Variants in NEXMIF observed in about 807,000 individuals in gnomAD.
NEXMIF encodes the protein neurite extension and migration factor.
In NEXMIF, 8 loss-of-function variants were observed where a neutral mutation model predicts 62.1. The ratio of observed to expected loss-of-function variants is 0.13; its 90% CI spans 0.08 to 0.23. NEXMIF has a LOEUF of 0.23. Among genes scored for constraint, NEXMIF ranks in the 10% least tolerant of loss-of-function variants. The pLI is 1.00. For synonymous variants in NEXMIF, 404 were observed against 416.6 expected, an observed-to-expected ratio of 0.97 and a Z score of 0.37; for missense variants, 976 against 1,113.3, an observed-to-expected ratio of 0.88 and a Z score of 1.75.
Position 74,860,897 on chromosome X carries a change from C to G in NEXMIF, c.-48+63986G>C, listed in dbSNP as rs527666835. Reference sequence around the variant, plus strand: ...GTAGAAGAAAAGAAATAAGAAAGATCAGAGCAGAAACAAATGAAACTGAAA... The same window carrying G: ...GTAGAAGAAAAGAAATAAGAAAGATGAGAGCAGAAACAAATGAAACTGAAA... On this transcript the variant is annotated intron_variant, in intron 1 of 3. Transcript: ENST00000055682. Among the ~76,000 whole-genome samples the G allele has an allele frequency of 1.3e-3, 141 of 111,260 alleles. 1 individual carries two copies. The highest frequency in any genetic ancestry group is 9.4e-3 in the Middle Eastern group (2 of 213).
At chrX:74,853,890 T>C (rs1314866051) in intron 1 of NEXMIF, among the ~76,000 whole-genome samples, 1 of 111,645 alleles carries the variant, frequency 9.0e-6, no homozygotes, top group African/African-American at 3.3e-5. Context: ...CAGGAAGAAG[T>C]AGAAAACCTT....
At chrX:74,778,089 G>A (rs930539635) in intron 1 of NEXMIF, among the ~76,000 whole-genome samples, 1 of 111,759 alleles carries the variant, frequency 8.9e-6, no homozygotes, top group African/African-American at 3.3e-5. Context: ...AACTTATAAA[G>A]ACTGTGCATG....
At chrX:74,855,752 C>T (rs2080532794) in intron 1 of NEXMIF, among the ~76,000 whole-genome samples, 2 of 112,030 alleles carry the variant, frequency 1.8e-5, no homozygotes, top group Admixed American at 1.9e-4. Context: ...CACACAGAGT[C>T]CCTTCACAAA....
chrX:74,921,418 G>A (rs2080826734), intron 1 of NEXMIF, among the ~76,000 whole-genome samples: 1 of 112,164 alleles, frequency 8.9e-6, no homozygotes, highest in Admixed American at 9.5e-5. Context: ...GAGAAGACAC[G>A]AATGTTCACC....
intron 1 of NEXMIF, among the ~76,000 whole-genome samples, chrX:74,895,842 A>C (rs956525121): frequency 1.7e-4 from 19 of 110,068 alleles, no homozygotes; most frequent in Non-Finnish European, 3.4e-4. Flanking sequence ...TGTAAAAAAA[A>C]AAAAAAACAT....
intron 1 of NEXMIF, among the ~76,000 whole-genome samples, chrX:74,795,294 A>G (rs1476128222): frequency 8.9e-6 from 1 of 112,338 alleles, no homozygotes; most frequent in Non-Finnish European, 1.9e-5. Context: ...ATGTCTTTCA[A>G]CAAGAGAATG....
chrX:74,890,152 ACT>A (rs1296590282), intron 1 of NEXMIF, among the ~76,000 whole-genome samples: 1 of 110,015 alleles, frequency 9.1e-6, no homozygotes, highest in Non-Finnish European at 1.9e-5. Flanking sequence ...ATTTCCAGTG[ACT>A]CTGATCCTGT....
intron 1 of NEXMIF, among the ~76,000 whole-genome samples, chrX:74,793,081 T>C (rs2080291421): frequency 9.1e-6 from 1 of 109,921 alleles, no homozygotes; most frequent in African/African-American, 3.3e-5. Context: ...TGATGGTCTT[T>C]ACATTTTGGC....
rs150741514 is a variant in NEXMIF at position 74,741,692 on chromosome X, A to G, written c.2865T>C (p.Asp955=). 8.3e-6 allele frequency: 10 copies of G among 1,210,280 alleles called. No homozygotes were observed. The Admixed American group carries it at 2.2e-4, about 26-fold the overall frequency. ...AAGAGTCATCAGATGGGAGTTGGGT[A>G]TCTTGCATGGAGTCATACAGGACCT... ...CNKVLYDSMQ[D]TQLPSDDSYQ... Residue 955 remains aspartate (D), a synonymous_variant, in exon 3 of 4, where the codon GAT becomes GAC. Coordinates refer to ENST00000055682, the MANE Select transcript of NEXMIF (RefSeq NM_001008537.3).
chrX:74,903,607 C>T (rs2080756546), intron 1 of NEXMIF, among the ~76,000 whole-genome samples: 1 of 111,787 alleles, frequency 8.9e-6, no homozygotes, highest in Admixed American at 9.5e-5. Context: ...GTACAGTGAG[C>T]TTCAGCAGGC....
chrX:74,775,320 C>T (rs2080225748), intron 1 of NEXMIF, among the ~76,000 whole-genome samples: 1 of 111,864 alleles, frequency 8.9e-6, no homozygotes, highest in East Asian at 2.8e-4. Flanking sequence ...TCCACCTATT[C>T]CATAATATGT....
chrX:74,877,805 C>T (rs1424791568), intron 1 of NEXMIF, among the ~76,000 whole-genome samples: 3 of 112,094 alleles, frequency 2.7e-5, no homozygotes, highest in Non-Finnish European at 5.6e-5. Flanking sequence ...CTTCTGCATT[C>T]TTCACGTAGT....
At chrX:74,786,370 G>GA (rs986469804) in intron 1 of NEXMIF, among the ~76,000 whole-genome samples, 4 of 111,247 alleles carry the variant, frequency 3.6e-5, no homozygotes, top group Non-Finnish European at 5.7e-5. Flanking sequence ...TCAAGAGCTG[G>GA]AAAAAACCCT....
Position 74,744,383 on chromosome X carries a change from C to G in NEXMIF, c.174G>C (p.Leu58=). The G allele has an allele frequency of 8.3e-7, 1 of 1,209,367 alleles. No homozygotes were observed. The highest frequency in any genetic ancestry group is 1.1e-6 in the Non-Finnish European group (1 of 893,681). Residue 58 remains leucine, a synonymous_variant, in exon 3 of 4, where the codon CTG becomes CTC. Transcript: ENST00000055682. ...QPTPVAQKET[L]MYPRGLLPLP... is the part of the protein sequence containing the mutation. The stretch of plus-strand genomic sequence containing the variant: ...GAGGCAGGAGACCTCTGGGATACAT[C>G]AGGGTCTCTTTTTGTGCCACCGGTG...
intron 1 of NEXMIF, among the ~76,000 whole-genome samples, chrX:74,891,170 C>A (rs190023689): frequency 9.0e-6 from 1 of 111,651 alleles, no homozygotes; most frequent in Non-Finnish European, 1.9e-5. Flanking sequence ...AAAACTCTTG[C>A]TCCACTTACT....
At chrX:74,869,337 C>T (rs748059196) in intron 1 of NEXMIF, among the ~76,000 whole-genome samples, 28 of 111,362 alleles carry the variant, frequency 2.5e-4, no homozygotes, top group African/African-American at 9.1e-4. Context: ...ATAATAAAAG[C>T]CATCTATGAC....
In NEXMIF at chrX:74,733,973, C is replaced by A. The variant is rs1311767849; in HGVS notation, c.*5432G>T. 1 of 111,902 alleles carries A rather than the reference C, an allele frequency of 8.9e-6. No homozygotes were observed. The highest frequency in any genetic ancestry group is 1.9e-5 in the Non-Finnish European group (1 of 53,107). 9.2% of individuals were successfully genotyped at this position (111,902 alleles called of 1,213,427 possible). The stretch of plus-strand genomic sequence containing the variant: ...CTTTTCTAAGAAAAATATACACTTA[C>A]AAAATATGTTACAAATTGGCACACT... On this transcript the variant is annotated 3_prime_UTR_variant, in exon 4 of 4. Transcript: ENST00000055682.
intron 1 of NEXMIF, among the ~76,000 whole-genome samples, chrX:74,843,713 C>T (rs1246971383): frequency 1.8e-5 from 2 of 111,882 alleles, no homozygotes; most frequent in East Asian, 5.6e-4. Context: ...CGTGCCCAGC[C>T]GGGTCTTGCT....
intron 1 of NEXMIF, among the ~76,000 whole-genome samples, chrX:74,883,866 G>T (rs960670939): frequency 1.1e-4 from 12 of 111,833 alleles, no homozygotes; most frequent in African/African-American, 3.2e-4. Flanking sequence ...AAGTTGAAAT[G>T]AAGGAAAAAA....
Sources: gnomAD v4.1 joint callset for allele counts (sites outside exome capture counted in the v4.1 genomes callset) on GRCh38, gnomAD v4.1.1 for gene constraint, MANE v1.5 for transcripts, NCBI Gene and HGNC (gene_info 2026-07-23, HGNC 2026-07-21) for gene names.